The following C9orf153 variants were observed in gnomAD, a reference collection of about 807,000 sequenced individuals.
C9orf153 encodes the protein chromosome 9 open reading frame 153.
A neutral mutation model predicts 9.0 loss-of-function variants in C9orf153; 10 were observed. The ratio of observed to expected loss-of-function variants is 1.11; its 90% CI spans 0.69 to 1.89. The LOEUF (loss-of-function observed/expected upper bound fraction) is 1.89. C9orf153 is among the 40% of genes most tolerant of loss of function. The pLI is 0.00. For synonymous variants in C9orf153, 35 were observed against 37.3 expected (o/e 0.94, Z 0.23); for missense variants, 108 against 111.0 (o/e 0.97, Z 0.12).
At chr9:86,254,218 C>T (rs923533718) in intron 1 of C9orf153, among the ~76,000 whole-genome samples, 1 of 151,868 alleles carries the variant, frequency 6.6e-6, no homozygotes, top group Non-Finnish European at 1.5e-5. Flanking sequence ...CTGTAGTACA[C>T]TTGTTAGATT....
intron 1 of C9orf153, among the ~76,000 whole-genome samples, chr9:86,239,844 G>A (rs918024807): frequency 2.0e-5 from 3 of 152,128 alleles, no homozygotes; most frequent in African/African-American, 7.2e-5. Context: ...TCTGCTTGAA[G>A]GAAAACTGTG....
intron 3 of C9orf153, among the ~76,000 whole-genome samples, chr9:86,226,115 T>G (rs1304553270): frequency 6.6e-6 from 1 of 152,194 alleles, no homozygotes. Flanking sequence ...ACTTTGCGAA[T>G]TATCTAGGCC....
chr9:86,255,290 C>A (rs918014387), intron 1 of C9orf153, among the ~76,000 whole-genome samples: 11 of 152,028 alleles, frequency 7.2e-5, no homozygotes, highest in Admixed American at 6.6e-5. Context: ...AAATATTTTA[C>A]CCCCAAAATA....
intron 3 of C9orf153, among the ~76,000 whole-genome samples, chr9:86,224,377 A>C (rs1203512889): frequency 8.1e-6 from 1 of 123,036 alleles, no homozygotes; most frequent in African/African-American, 4.5e-5. Flanking sequence ...ACAGTGTCTC[A>C]AAAAAAAAAA....
intron 1 of C9orf153, among the ~76,000 whole-genome samples, chr9:86,231,821 T>C (rs1221758685): frequency 6.6e-6 from 1 of 152,186 alleles, no homozygotes; most frequent in East Asian, 1.9e-4. Flanking sequence ...AAATTTTTTC[T>C]GCAAAGGAAA....
intron 1 of C9orf153, among the ~76,000 whole-genome samples, 179 bp downstream of exon 1, chr9:86,259,371 G>T (rs538719451): frequency 2.0e-5 from 3 of 152,044 alleles, no homozygotes; most frequent in Non-Finnish European, 4.4e-5. Flanking sequence ...GATGAAACAG[G>T]CTCCTCATCC....
chr9:86,236,104 T>C (rs2131186148), intron 1 of C9orf153, among the ~76,000 whole-genome samples: 1 of 152,228 alleles, frequency 6.6e-6, no homozygotes, highest in Non-Finnish European at 1.5e-5. Flanking sequence ...AAAGTAATTA[T>C]TTGCTATAAA....
chr9:86,232,758 A>C (rs1454087350), intron 1 of C9orf153, among the ~76,000 whole-genome samples: 1 of 151,838 alleles, frequency 6.6e-6, no homozygotes, highest in South Asian at 2.1e-4. Flanking sequence ...TTTGAGATAG[A>C]GTCTCACTCT....
chr9:86,258,037 A>G (rs919895581), intron 1 of C9orf153, among the ~76,000 whole-genome samples: 3 of 152,136 alleles, frequency 2.0e-5, no homozygotes, highest in Non-Finnish European at 4.4e-5. Context: ...TATTAAGGAC[A>G]ACCTTTATTA....
intron 3 of C9orf153, among the ~76,000 whole-genome samples, chr9:86,226,591 C>G (rs1156286460): frequency 6.6e-6 from 1 of 152,054 alleles, no homozygotes; most frequent in Non-Finnish European, 1.5e-5. Context: ...TGAAAATGGT[C>G]TTATCTTGAA....
chr9:86,227,945 T>C lies in C9orf153; in HGVS notation c.152A>G (p.Asn51Ser). 6.2e-7 allele frequency: 1 copy of C among 1,613,912 alleles called. No homozygotes were observed. Among genetic ancestry groups the C allele is most frequent in the African/African-American group, 1.3e-5 (1 of 75,030 alleles). Residue 51 changes from asparagine to serine, a missense_variant, in exon 3 of 4, where the codon AAC becomes AGC. Asn to Ser is a conservative substitution (Grantham distance 46). Coordinates refer to ENST00000339137, the MANE Select transcript of C9orf153 (RefSeq NM_001276366.4). ...NLLKMHGISLNEAQEVLARNL... is the reference protein window; with the variant it reads ...NLLKMHGISLSEAQEVLARNL... ...TCTAGCAAGTACTTCCTGTGCTTCG[T>C]TAAGTGAAATACCATGCATTTTTAG...
chr9:86,226,925 C>T (rs765522530), intron 3 of C9orf153, among the ~76,000 whole-genome samples: 6 of 152,098 alleles, frequency 3.9e-5, no homozygotes, highest in Admixed American at 1.3e-4. Context: ...CCACCACGCC[C>T]AGCTAATTTT....
chr9:86,221,839 C>G, intron 3 of C9orf153, 106 bp from the exon 4 acceptor site: 1 of 609,328 alleles, frequency 1.6e-6, no homozygotes, highest in East Asian at 3.2e-5. Flanking sequence ...ACTCGAGTCC[C>G]CTCTTTCTGG....
chr9:86,239,682 T>G (rs996943605), intron 1 of C9orf153, among the ~76,000 whole-genome samples: 10 of 152,204 alleles, frequency 6.6e-5, no homozygotes, highest in Non-Finnish European at 1.3e-4. Context: ...GACAGAAAAG[T>G]TCTCAAGTTA....
At chr9:86,226,512 C>T (rs745850438) in intron 3 of C9orf153, among the ~76,000 whole-genome samples, 18 of 151,730 alleles carry the variant, frequency 1.2e-4, no homozygotes, top group Non-Finnish European at 2.2e-4. Flanking sequence ...TTTGTAGAGT[C>T]GGGGTTTTGC....
rs549766296 is a variant in C9orf153 at position 86,226,396 on chromosome 9, A to G, written c.242+1459T>C. 2.6e-5 allele frequency among the ~76,000 whole-genome samples: 4 copies of G among 151,916 alleles called. No homozygotes were observed. In the South Asian group the frequency reaches 6.2e-4, roughly 24 times the overall value. ...GAGTGCAGTGGCACAATCTTGACTC[A>G]CTGCAACCTCTGCCTCCTGGGTTCA... On this transcript the variant is annotated intron_variant, in intron 3 of 3. Transcript: ENST00000339137.
intron 3 of C9orf153, among the ~76,000 whole-genome samples, chr9:86,226,087 C>T (rs545803729): frequency 6.6e-6 from 1 of 152,268 alleles, no homozygotes; most frequent in East Asian, 1.9e-4. Flanking sequence ...CCTCTCTGGT[C>T]CCAGGCTTTA....
intron 1 of C9orf153, among the ~76,000 whole-genome samples, chr9:86,257,723 C>A (rs1825153545): frequency 6.6e-6 from 1 of 152,166 alleles, no homozygotes; most frequent in Admixed American, 6.5e-5. Flanking sequence ...ATGCAATTTA[C>A]TACTGCTGAT....
At chr9:86,253,664 G>A (rs1302223574) in intron 1 of C9orf153, among the ~76,000 whole-genome samples, 4 of 152,190 alleles carry the variant, frequency 2.6e-5, no homozygotes, top group Non-Finnish European at 5.9e-5. Flanking sequence ...GCACGATCAT[G>A]GCTCACTAAA....
Sources: gnomAD v4.1 joint callset for allele counts (sites outside exome capture counted in the v4.1 genomes callset) on GRCh38, gnomAD v4.1.1 for gene constraint, MANE v1.5 for transcripts, NCBI Gene and HGNC (gene_info 2026-07-23, HGNC 2026-07-21) for gene names.